The following SEMA6D variants were observed in gnomAD, a reference collection of about 807,000 sequenced individuals.
The protein encoded by SEMA6D is semaphorin 6D.
Under a neutral mutation model 106.6 loss-of-function variants are expected in SEMA6D, and 35 were observed. That is an observed-to-expected ratio of 0.33 (90% CI 0.25 to 0.44). The LOEUF (loss-of-function observed/expected upper bound fraction) is 0.44. Among genes scored for constraint, SEMA6D ranks in the 20% least tolerant of loss-of-function variants. SEMA6D has a pLI of 1.00. For missense variants in SEMA6D, 1,185 were observed against 1,345.9 expected (o/e 0.88, Z 1.87); for synonymous variants, 499 against 487.7 (o/e 1.02, Z -0.31).
chr15:47,392,927 CTGCAAGGA>C lies in SEMA6D; in HGVS notation c.-238-19463_-238-19456del, dbSNP rs148225179. 9.3e-3 allele frequency among the ~76,000 whole-genome samples: 1,415 copies of C among 152,302 alleles called. 23 individuals carry two copies. The highest frequency in any genetic ancestry group is 0.033 in the African/African-American group (1,360 of 41,574). The stretch of plus-strand genomic sequence containing the variant: ...ATGTCTCTAGAGAGAGACTCCTGTC[CTGCAAGGA>C]TGTTATTTAGTCCTGTTCGGGCACC... On this transcript the variant is annotated intron_variant, in intron 1 of 19. Transcript: ENST00000558014.
chr15:47,276,956 A>T (rs187339947), intron 1 of SEMA6D, among the ~76,000 whole-genome samples: 1 of 152,298 alleles, frequency 6.6e-6, no homozygotes, highest in Non-Finnish European at 1.5e-5. Context: ...AGATGTTTCA[A>T]TGAAATTGAT....
chr15:47,400,442 T>C (rs281306), intron 1 of SEMA6D, among the ~76,000 whole-genome samples: 88,324 of 149,350 alleles, frequency 0.59, 26,963 homozygotes, highest in Middle Eastern at 0.71. Context: ...TGAGCCGAGA[T>C]CATGCCACTG....
chr15:47,342,713 A>AT (rs1033740419), intron 1 of SEMA6D, among the ~76,000 whole-genome samples: 3 of 151,742 alleles, frequency 2.0e-5, no homozygotes, highest in African/African-American at 7.3e-5. Context: ...TCAAATTACT[A>AT]TTTTTTTATT....
At chr15:47,685,036 A>G (rs2078439961) in intron 4 of SEMA6D, among the ~76,000 whole-genome samples, 1 of 152,058 alleles carries the variant, frequency 6.6e-6, no homozygotes, top group Non-Finnish European at 1.5e-5. Flanking sequence ...AGTGGACTAA[A>G]TTTCAACCTT....
chr15:47,337,556 A>G (rs1051329881), intron 1 of SEMA6D, among the ~76,000 whole-genome samples: 1 of 152,218 alleles, frequency 6.6e-6, no homozygotes, highest in Admixed American at 6.5e-5. Context: ...ATGGCCGATC[A>G]TCATTTCTTC....
At chr15:47,450,747 C>T (rs1217929660) in intron 2 of SEMA6D, among the ~76,000 whole-genome samples, 1 of 152,082 alleles carries the variant, frequency 6.6e-6, no homozygotes, top group Non-Finnish European at 1.5e-5. Flanking sequence ...AAGGTACAAT[C>T]TGGTCCCTTC....
chr15:47,348,733 G>C (rs1174415650), intron 1 of SEMA6D, among the ~76,000 whole-genome samples: 55 of 50,692 alleles, frequency 1.1e-3, no homozygotes, highest in African/African-American at 1.9e-3. Context: ...CACACAGAGA[G>C]AGAGAGAGAG....
At chr15:47,563,750 C>G (rs2046147226) in intron 3 of SEMA6D, among the ~76,000 whole-genome samples, 1 of 152,152 alleles carries the variant, frequency 6.6e-6, no homozygotes, top group Non-Finnish European at 1.5e-5. Flanking sequence ...AGGACCATAA[C>G]TGACATGTAG....
chr15:47,685,392 T>A (rs1295255705), intron 4 of SEMA6D, among the ~76,000 whole-genome samples: 1 of 152,152 alleles, frequency 6.6e-6, no homozygotes, highest in Non-Finnish European at 1.5e-5. Context: ...ATAAGGGACA[T>A]CACCAAGTTA....
chr15:47,355,575 C>CTACGATGGT, intron 1 of SEMA6D, among the ~76,000 whole-genome samples: 1 of 152,192 alleles, frequency 6.6e-6, no homozygotes. Flanking sequence ...TTTCTAGAGA[C>CTACGATGGT]AAACATCTGG....
At chr15:47,472,432 A>G (rs1409179855) in intron 3 of SEMA6D, among the ~76,000 whole-genome samples, 1 of 152,114 alleles carries the variant, frequency 6.6e-6, no homozygotes, top group Non-Finnish European at 1.5e-5. Context: ...GGAGCAATTT[A>G]TTTTTCTCTC....
At chr15:47,213,804 G>T (rs2030295444) in intron 1 of SEMA6D, among the ~76,000 whole-genome samples, 1 of 152,124 alleles carries the variant, frequency 6.6e-6, no homozygotes, top group Non-Finnish European at 1.5e-5. Context: ...ACATTGAGGT[G>T]CTGTGATCAT....
intron 1 of SEMA6D, among the ~76,000 whole-genome samples, chr15:47,207,612 A>T (rs753885895): frequency 2.0e-5 from 3 of 152,142 alleles, no homozygotes; most frequent in Non-Finnish European, 4.4e-5. Flanking sequence ...TGAGAAGAGG[A>T]TGTGAAGATT....
intron 4 of SEMA6D, among the ~76,000 whole-genome samples, chr15:47,709,943 T>C (rs1242223669): frequency 1.3e-5 from 2 of 148,784 alleles, no homozygotes; most frequent in Non-Finnish European, 3.0e-5. Flanking sequence ...GGAACCAAGA[T>C]CATATTTAAG....
chr15:47,201,326 G>A (rs1220628283), intron 1 of SEMA6D, among the ~76,000 whole-genome samples: 3 of 152,108 alleles, frequency 2.0e-5, no homozygotes, highest in East Asian at 3.9e-4. Flanking sequence ...GTTGTACTGA[G>A]CCCATTTACA....
intron 3 of SEMA6D, among the ~76,000 whole-genome samples, chr15:47,531,590 A>G (rs79577856): frequency 0.015 from 2,264 of 152,334 alleles, 52 homozygotes; most frequent in African/African-American, 0.049. Context: ...AATGAATTCA[A>G]TGATTTAGTT....
intron 4 of SEMA6D, among the ~76,000 whole-genome samples, chr15:47,696,546 A>T (rs1222403079): frequency 6.6e-6 from 1 of 152,218 alleles, no homozygotes; most frequent in African/African-American, 2.4e-5. Flanking sequence ...TTGCTGCCAA[A>T]GATGAAAAGA....
chr15:47,628,405 G>T (rs1328383673), intron 4 of SEMA6D, among the ~76,000 whole-genome samples: 1 of 151,984 alleles, frequency 6.6e-6, no homozygotes, highest in Non-Finnish European at 1.5e-5. Flanking sequence ...CAGTTTCTCT[G>T]CATCCTCACT....
chr15:47,579,419 G>A (rs2076216502), intron 3 of SEMA6D, among the ~76,000 whole-genome samples: 1 of 152,104 alleles, frequency 6.6e-6, no homozygotes, highest in Non-Finnish European at 1.5e-5. Context: ...TGGGATTACA[G>A]GTGTGAGCCA....
Sources: allele counts gnomAD v4.1 joint callset (sites outside exome capture counted in the v4.1 genomes callset), GRCh38; gene constraint gnomAD v4.1.1; transcripts MANE v1.5; gene names NCBI Gene and HGNC (gene_info 2026-07-23, HGNC 2026-07-21).